The following SNAPC1 variants were observed in gnomAD, a reference collection of about 807,000 sequenced individuals.
SNAPC1 encodes the protein snRNA-activating protein complex subunit 1.
SNAPC1 carries 42 observed loss-of-function variants against 50.1 expected under a neutral mutation model. The observed-to-expected ratio is 0.84, with a 90% CI of 0.65 to 1.08. SNAPC1 has a LOEUF of 1.08. Among genes scored for constraint, SNAPC1 ranks in the 50% least tolerant of loss-of-function variants. The pLI is 0.00. For synonymous variants in SNAPC1, 164 were observed against 144.2 expected (o/e 1.14, Z -0.98); for missense variants, 477 against 427.3 (o/e 1.12, Z -1.02).
At chr14:61,777,615 T>A (rs1262810147) in intron 5 of SNAPC1, among the ~76,000 whole-genome samples, 6 of 151,772 alleles carry the variant, frequency 4.0e-5, no homozygotes, top group African/African-American at 7.3e-5. Context: ...GTTTTAATTT[T>A]TTTTTTTTTT....
chr14:61,763,613 G>A (rs2044925403), intron 1 of SNAPC1, among the ~76,000 whole-genome samples: 1 of 151,628 alleles, frequency 6.6e-6, no homozygotes, highest in South Asian at 2.1e-4. Flanking sequence ...GACATCCTCG[G>A]GGGAAGTCTT....
intron 4 of SNAPC1, among the ~76,000 whole-genome samples, chr14:61,775,430 A>G (rs1053777073): frequency 1.2e-4 from 18 of 151,858 alleles, no homozygotes; most frequent in African/African-American, 4.1e-4. Flanking sequence ...TAATTTTTGT[A>G]TTTTTAGTAG....
At chr14:61,792,158 G>A (rs924560474) in intron 8 of SNAPC1, among the ~76,000 whole-genome samples, 5 of 151,808 alleles carry the variant, frequency 3.3e-5, no homozygotes, top group Admixed American at 6.6e-5. Context: ...AAGTGTTGGG[G>A]CAAAGAAAAA....
chr14:61,762,611 C>G (rs759160660), intron 1 of SNAPC1, 23 bp downstream of exon 1: 3 of 1,611,658 alleles, frequency 1.9e-6, no homozygotes, highest in Non-Finnish European at 2.5e-6. Flanking sequence ...TGTCCACCAC[C>G]CGCCTCTCCC....
chr14:61,778,256 G>GA (rs1289650931), intron 6 of SNAPC1, 116 bp downstream of exon 6: 4 of 590,372 alleles, frequency 6.8e-6, no homozygotes, highest in Non-Finnish European at 1.2e-5. Flanking sequence ...ATGCTTCTGT[G>GA]AAAAGGTAGT....
Position 61,776,200 on chromosome 14 carries a change from G to T in SNAPC1, c.640G>T (p.Asp214Tyr). Residue 214 changes from aspartate to tyrosine, a missense_variant, in exon 5 of 10, where the codon GAC becomes TAC. Asp to Tyr is a radical substitution (Grantham distance 160, BLOSUM62 -3). Transcript: ENST00000216294. ...CAGCTTGATAAAGGATGATTTTTTT[G>T]ACAATATTAAGAACATAGTTTTGGA... Reference protein sequence around the residue: ...ALSLIKDDFFDNIKNIVLEHQ... With the variant: ...ALSLIKDDFFYNIKNIVLEHQ... 1 of 1,612,272 alleles carries T rather than the reference G, an allele frequency of 6.2e-7. No individual in the cohort carries two copies. Among genetic ancestry groups the T allele is most frequent in the South Asian group, 1.1e-5 (1 of 90,682 alleles).
intron 4 of SNAPC1, among the ~76,000 whole-genome samples, chr14:61,773,882 T>C (rs1479077925): frequency 6.6e-6 from 1 of 151,866 alleles, no homozygotes; most frequent in Non-Finnish European, 1.5e-5. Flanking sequence ...TAATTTTTTG[T>C]ATTTTTAGTA....
In SNAPC1 at chr14:61,781,466, A is replaced by AC. The variant is rs1394008891; in HGVS notation, c.826-781_826-780insC. Among the ~76,000 whole-genome samples, 3 of 151,496 alleles carry AC rather than the reference A, an allele frequency of 2.0e-5. No homozygotes were observed. In the East Asian group the frequency reaches 5.8e-4, roughly 29 times the overall value. On this transcript the variant is annotated intron_variant, in intron 7 of 9. Transcript: ENST00000216294. ...CTCCATCTCCAAAAAAAAAAAAAAAAAAAGGACAGAAAAAAGAATTGTTAA... is the reference window on the plus strand; with the variant it reads ...CTCCATCTCCAAAAAAAAAAAAAAAACAAAGGACAGAAAAAAGAATTGTTAA...
chr14:61,766,925 G>T lies in SNAPC1; in HGVS notation c.178G>T (p.Ala60Ser). ...GAACATGTTTACAAAAGAAGCTTTA[G>T]CTTTGGCTTGGCGATATTTTTTACC... is the stretch of plus-strand genomic sequence containing the variant. ...EKNMFTKEAL[A>S]LAWRYFLPPY... The change falls in exon 2 of 10, where the codon GCT becomes TCT. Residue 60 changes from alanine (A) to serine (S), a missense_variant. Coordinates refer to ENST00000216294, the MANE Select transcript of SNAPC1 (RefSeq NM_003082.4). 6.2e-7 allele frequency: 1 copy of T among 1,611,702 alleles called. No individual in the cohort carries two copies. The highest frequency in any genetic ancestry group is 2.2e-5 in the East Asian group (1 of 44,820).
At position 61,796,366 on chromosome 14, in the gene SNAPC1, A is replaced by G. The variant is rs750976304; in HGVS notation, c.*1383A>G. On this transcript the variant is annotated 3_prime_UTR_variant, in exon 10 of 10. Coordinates refer to ENST00000216294, the MANE Select transcript of SNAPC1 (RefSeq NM_003082.4). ...TGAAGATCAAATTCGTGATATCTCT[A>G]TATCTAATCTTTAAAAATCAGAATG... 3.9e-5 allele frequency: 6 copies of G among 152,244 alleles called. No individual in the cohort carries two copies. Among genetic ancestry groups the G allele is most frequent in the East Asian group, 1.9e-4 (1 of 5,188 alleles). The allele number at this position is 152,244 out of a possible 1,614,324, so 9.4% of individuals were successfully genotyped here.
At position 61,778,905 on chromosome 14, in the gene SNAPC1, A is replaced by C. The variant is rs2045052846; in HGVS notation, c.820A>C (p.Ile274Leu). The C allele has an allele frequency of 6.5e-7, 1 of 1,529,842 alleles. No individual in the cohort carries two copies. Among genetic ancestry groups the C allele is most frequent in the Non-Finnish European group, 8.9e-7 (1 of 1,128,674 alleles). 94.8% of individuals were successfully genotyped at this position (1,529,842 alleles called of 1,614,324 possible). ...AAAATCAAAGGCCTTTTCAGTTGTC[A>C]TACAGGTAAGTTATTCTTTAATAAG... ...KIKSKAFSVV[I>L]QASKSRRHRQ... The change falls in exon 7 of 10, where the codon ATA becomes CTA. Residue 274 changes from isoleucine to leucine, a missense_variant. By Grantham distance (5) the Ile-to-Leu change is conservative (BLOSUM62 2). Coordinates refer to ENST00000216294, the MANE Select transcript of SNAPC1 (RefSeq NM_003082.4).
Position 61,796,194 on chromosome 14 carries a change from G to A in SNAPC1, c.*1211G>A, listed in dbSNP as rs1042195095. On this transcript the variant is annotated 3_prime_UTR_variant, in exon 10 of 10. Transcript: ENST00000216294. ...AATAAAAATACGAAAAATTAGCCAG[G>A]CGTGGTGGCGGGCGCCTGTAATCCC... The A allele has an allele frequency of 2.0e-5, 3 of 152,226 alleles. No individual in the cohort carries two copies. Among genetic ancestry groups the A allele is most frequent in the Admixed American group, 1.3e-4 (2 of 15,250 alleles). 9.4% of individuals were successfully genotyped at this position (152,226 alleles called of 1,614,324 possible).
intron 4 of SNAPC1, among the ~76,000 whole-genome samples, chr14:61,774,228 C>T (rs1309321732): frequency 2.0e-5 from 3 of 146,956 alleles, no homozygotes; most frequent in Admixed American, 1.4e-4. Flanking sequence ...CCTTGAATTC[C>T]TGGGCTCAAG....
chr14:61,780,908 A>C (rs995892000), intron 7 of SNAPC1, among the ~76,000 whole-genome samples: 2 of 152,160 alleles, frequency 1.3e-5, no homozygotes, highest in Non-Finnish European at 2.9e-5. Flanking sequence ...ATGCATCTGT[A>C]CCAAATATGT....
chr14:61,784,523 A>G (rs962997362), intron 8 of SNAPC1, among the ~76,000 whole-genome samples: 2 of 152,156 alleles, frequency 1.3e-5, no homozygotes, highest in African/African-American at 2.4e-5. Flanking sequence ...AGGGCCAGGT[A>G]GTAAATAGTT....
chr14:61,769,085 C>G (rs1186520137), intron 4 of SNAPC1, among the ~76,000 whole-genome samples: 3 of 152,126 alleles, frequency 2.0e-5, no homozygotes, highest in Non-Finnish European at 4.4e-5. Context: ...CATGACCAGG[C>G]ATGGTGGCTC....
intron 1 of SNAPC1, among the ~76,000 whole-genome samples, chr14:61,765,977 A>T (rs534777301): frequency 6.6e-6 from 1 of 152,342 alleles, no homozygotes; most frequent in African/African-American, 2.4e-5. Flanking sequence ...CCCTGAGAGT[A>T]TTGGAGAAAA....
rs920034553 is a variant in SNAPC1, at chr14:61,795,880, G to A, written c.*897G>A. The stretch of plus-strand genomic sequence containing the variant: ...CTGTTTTTTTTTTTTCCCTAATAGA[G>A]ATGGAGTATCGCTATGTTGCTCAGG... On this transcript the variant is annotated 3_prime_UTR_variant, in exon 10 of 10. Transcript: ENST00000216294. 8 of 150,132 alleles carry A rather than the reference G, an allele frequency of 5.3e-5. No homozygotes were observed. Among genetic ancestry groups the A allele is most frequent in the Non-Finnish European group, 2.9e-5 (2 of 67,804 alleles). 9.3% of individuals were successfully genotyped at this position (150,132 alleles called of 1,614,324 possible).
Position 61,795,057 on chromosome 14 carries a change from A to G in SNAPC1, c.*74A>G. On this transcript the variant is annotated 3_prime_UTR_variant, in exon 10 of 10. Transcript: ENST00000216294. The stretch of plus-strand genomic sequence containing the variant: ...AAGATTGATATTTTGTGTATTGAAC[A>G]GGAAGACTGCCAGTATTAAAAAAAT... 1 of 937,404 alleles carries G rather than the reference A, an allele frequency of 1.1e-6. No homozygotes were observed. The highest frequency in any genetic ancestry group is 1.6e-5 in the South Asian group (1 of 61,622). 58.1% of individuals were successfully genotyped at this position (937,404 alleles called of 1,614,324 possible).
Sources: allele counts gnomAD v4.1 joint callset (sites outside exome capture counted in the v4.1 genomes callset), GRCh38; gene constraint gnomAD v4.1.1; transcripts MANE v1.5; gene names NCBI Gene and HGNC (gene_info 2026-07-23, HGNC 2026-07-21).